CCDC15: variants seen among roughly 807,000 people sequenced by gnomAD.
The protein encoded by CCDC15 is coiled-coil domain-containing protein 15.
Under a neutral mutation model 114.5 loss-of-function variants are expected in CCDC15, and 105 were observed. That is an observed-to-expected ratio of 0.92 (90% CI 0.78 to 1.08). The LOEUF is 1.08. Ranked by LOEUF, CCDC15 falls within the 50% of genes least tolerant of loss-of-function variation. The pLI is 0.00. For missense variants in CCDC15, 1,105 were observed against 1,093.6 expected (o/e 1.01, Z -0.15); for synonymous variants, 334 against 377.8 (o/e 0.88, Z 1.34).
chr11:124,981,896 C>T (rs1235197866), intron 6 of CCDC15, among the ~76,000 whole-genome samples: 1 of 152,214 alleles, frequency 6.6e-6, no homozygotes, highest in Admixed American at 6.5e-5. Flanking sequence ...GCTGGGATTA[C>T]AGGCATGAGC....
At chr11:125,028,237 A>G (rs1054863467) in intron 13 of CCDC15, among the ~76,000 whole-genome samples, 1 of 152,124 alleles carries the variant, frequency 6.6e-6, no homozygotes, top group Non-Finnish European at 1.5e-5. Flanking sequence ...TGCTTTGGCT[A>G]TGTGGGCTCT....
chr11:124,992,529 T>A, intron 9 of CCDC15, 51 bp from the exon 10 acceptor site: 1 of 1,069,778 alleles, frequency 9.3e-7, no homozygotes, highest in East Asian at 2.6e-5. Context: ...TGATTAGCAT[T>A]ACACAATTTT....
chr11:125,000,183 T>C (rs1229740406), intron 11 of CCDC15, among the ~76,000 whole-genome samples: 1 of 152,114 alleles, frequency 6.6e-6, no homozygotes, highest in Non-Finnish European at 1.5e-5. Flanking sequence ...ATATTGTATT[T>C]TGAGACTCTG....
At chr11:124,978,346 A>G (rs910563545) in intron 6 of CCDC15, among the ~76,000 whole-genome samples, 10 of 152,210 alleles carry the variant, frequency 6.6e-5, no homozygotes, top group African/African-American at 1.9e-4. Flanking sequence ...TCTTTAAGGC[A>G]GAGCAATTTA....
chr11:124,963,378 T>A (rs936674768), intron 4 of CCDC15, among the ~76,000 whole-genome samples: 19 of 152,224 alleles, frequency 1.2e-4, no homozygotes, highest in Non-Finnish European at 2.2e-4. Flanking sequence ...TGATTTACAT[T>A]TCTCTGATGG....
chr11:124,985,258 A>G (rs117563522), intron 6 of CCDC15, among the ~76,000 whole-genome samples: 87 of 152,254 alleles, frequency 5.7e-4, no homozygotes, highest in Non-Finnish European at 9.6e-4. Flanking sequence ...CAGTTAGTAG[A>G]CTTTGGCGTT....
At chr11:124,993,730 A>T (rs1185978215) in intron 11 of CCDC15, among the ~76,000 whole-genome samples, 2 of 152,180 alleles carry the variant, frequency 1.3e-5, no homozygotes, top group Non-Finnish European at 2.9e-5. Context: ...TTAGAGTTTG[A>T]GCTGGGCTTG....
intron 2 of CCDC15, among the ~76,000 whole-genome samples, chr11:124,958,641 G>A (rs1296336686): frequency 6.6e-6 from 1 of 152,130 alleles, no homozygotes; most frequent in Non-Finnish European, 1.5e-5. Context: ...TAACATTGGT[G>A]AAATGAGAGG....
At chr11:125,009,079 A>G (rs1230800003) in intron 13 of CCDC15, among the ~76,000 whole-genome samples, 19 of 151,738 alleles carry the variant, frequency 1.3e-4, no homozygotes, top group Admixed American at 1.1e-3. Flanking sequence ...CTAGCTGGGC[A>G]TGGTGGCTCA....
At chr11:124,954,445 G>GAT (rs1947512754) in intron 1 of CCDC15, 75 bp downstream of exon 1, 2 of 279,090 alleles carry the variant, frequency 7.2e-6, no homozygotes, top group Non-Finnish European at 1.4e-5. Context: ...CCACAGCTGA[G>GAT]GACAGTCTTC....
intron 2 of CCDC15, among the ~76,000 whole-genome samples, chr11:124,955,902 A>T (rs900178067): frequency 1.1e-4 from 17 of 152,326 alleles, no homozygotes; most frequent in Non-Finnish European, 2.2e-4. Context: ...ATAATGCTCA[A>T]TCAAGAAGCT....
chr11:125,038,677 T>G (rs968103444), intron 14 of CCDC15, 73 bp downstream of exon 14: 367 of 1,338,082 alleles, frequency 2.7e-4, no homozygotes, highest in Middle Eastern at 2.5e-3. Flanking sequence ...CTCATTTTCC[T>G]TAGAAGAGAA....
In CCDC15 at chr11:125,028,650, C is replaced by T. The variant is rs187848563; in HGVS notation, c.2412-9781C>T. 1.1e-4 allele frequency among the ~76,000 whole-genome samples: 16 copies of T among 152,122 alleles called. No homozygotes were observed. The East Asian group carries it at 1.2e-3, about 11-fold the overall frequency. ...TCATTTGTGTACATTGATTTTGTGTCCTGAAACTTTACTGAGTTCATTTAT... is the reference window on the plus strand; with the variant it reads ...TCATTTGTGTACATTGATTTTGTGTTCTGAAACTTTACTGAGTTCATTTAT... On this transcript the variant is annotated intron_variant, in intron 13 of 15. Transcript: ENST00000344762.
intron 8 of CCDC15, among the ~76,000 whole-genome samples, chr11:124,989,281 TA>T (rs1470499806): frequency 1.3e-5 from 2 of 152,234 alleles, no homozygotes; most frequent in African/African-American, 2.4e-5. Context: ...AAGGCATCTT[TA>T]TTTTTTTTGG....
At chr11:125,030,503 G>C (rs533569670) in intron 13 of CCDC15, among the ~76,000 whole-genome samples, 21 of 152,282 alleles carry the variant, frequency 1.4e-4, no homozygotes, top group African/African-American at 5.1e-4. Context: ...ATTGGCAGAA[G>C]CATTGTGTGC....
Position 124,986,716 on chromosome 11 carries a change from C to A in CCDC15, c.754-26C>A. On this transcript the variant is annotated intron_variant, in intron 6 of 15. Transcript: ENST00000344762. The stretch of plus-strand genomic sequence containing the variant: ...TTGTGTGTGTGCGCGCGCGCGCGTG[C>A]GCGTTTTCATTGTTTTTTTCTTTAG... 4 of 1,524,726 alleles carry A rather than the reference C, an allele frequency of 2.6e-6. No individual in the cohort carries two copies. In the East Asian group the frequency reaches 9.9e-5, roughly 38 times the overall value. The allele number at this position is 1,524,726 out of a possible 1,614,324, so 94.4% of individuals were successfully genotyped here.
intron 13 of CCDC15, among the ~76,000 whole-genome samples, chr11:125,019,821 G>A (rs1948650398): frequency 2.0e-5 from 3 of 151,906 alleles, no homozygotes; most frequent in Non-Finnish European, 4.4e-5. Context: ...GAAATGATAA[G>A]TTATTCTTAT....
chr11:125,031,928 G>T (rs975254010), intron 13 of CCDC15, among the ~76,000 whole-genome samples: 12 of 152,192 alleles, frequency 7.9e-5, no homozygotes, highest in Non-Finnish European at 1.6e-4. Context: ...AGGCCCACTA[G>T]GCATTGTGTC....
intron 13 of CCDC15, among the ~76,000 whole-genome samples, chr11:125,006,794 T>C (rs1465733051): frequency 6.6e-6 from 1 of 152,180 alleles, no homozygotes; most frequent in Non-Finnish European, 1.5e-5. Flanking sequence ...ATTAATCATA[T>C]TGCCTTTGCT....
Sources: gnomAD v4.1 joint callset for allele counts (sites outside exome capture counted in the v4.1 genomes callset) on GRCh38, gnomAD v4.1.1 for gene constraint, MANE v1.5 for transcripts, NCBI Gene and HGNC (gene_info 2026-07-23, HGNC 2026-07-21) for gene names.